Variants in TARS2 observed in about 807,000 individuals in gnomAD.
TARS2 encodes threonyl-tRNA synthetase 2, mitochondrial, also known as threonine--tRNA ligase, mitochondrial.
TARS2 carries 61 observed loss-of-function variants against 94.4 expected under a neutral mutation model. The observed-to-expected ratio is 0.65, with a 90% CI of 0.53 to 0.80. The LOEUF is 0.80. TARS2 is among the 30% of genes least tolerant of loss of function. The pLI is 0.00. For synonymous variants in TARS2, 359 were observed against 353.4 expected (o/e 1.02, Z -0.18); for missense variants, 704 against 902.5 (o/e 0.78, Z 2.82).
Position 150,507,147 on chromosome 1 carries a change from G to A in TARS2, c.*83G>A. The A allele has an allele frequency of 6.4e-7, 1 of 1,567,578 alleles. No homozygotes were observed. Among genetic ancestry groups the A allele is most frequent in the Non-Finnish European group, 8.7e-7 (1 of 1,153,754 alleles). On this transcript the variant is annotated 3_prime_UTR_variant, in exon 18 of 18. Transcript: ENST00000369064. ...GAGACCCCAACCCAGCTGACAATGTGGAGCCCCCAGAACTTCAGAACTGTG... is the reference window on the plus strand; with the variant it reads ...GAGACCCCAACCCAGCTGACAATGTAGAGCCCCCAGAACTTCAGAACTGTG...
In TARS2 at chr1:150,504,616, C is replaced by A. The variant is rs113876911; in HGVS notation, c.1719-16C>A. On this transcript the variant is annotated splice_polypyrimidine_tract_variant and intron_variant, in intron 14 of 17. Coordinates refer to ENST00000369064, the MANE Select transcript of TARS2 (RefSeq NM_025150.5). Reference sequence around the variant, plus strand: ...ACTTCCACCATTCCATCCACCCCCCCCTTTTTCCTTTCAAGGCAGGCGGGT... The same window carrying A: ...ACTTCCACCATTCCATCCACCCCCCACTTTTTCCTTTCAAGGCAGGCGGGT... 1.2e-4 allele frequency: 199 copies of A among 1,612,718 alleles called. No homozygotes were observed. Among genetic ancestry groups the A allele is most frequent in the Admixed American group, 2.0e-4 (12 of 59,916 alleles).
At chr1:150,506,770 C>G in intron 17 of TARS2, 146 bp from the exon 18 acceptor site, 1 of 1,083,862 alleles carries the variant, frequency 9.2e-7, no homozygotes, top group South Asian at 1.6e-5. Context: ...GCAGACACAG[C>G]TGAATACTTC....
At chr1:150,505,479 G>A (rs771324071) in intron 16 of TARS2, 112 bp from the exon 17 acceptor site, 8 of 964,650 alleles carry the variant, frequency 8.3e-6, no homozygotes, top group African/African-American at 3.2e-5. Flanking sequence ...GGAGAGCCCC[G>A]AGGCAGGGAA....
rs996789463 is a variant in TARS2 at position 150,504,353 on chromosome 1, G to T, written c.1636G>T (p.Asp546Tyr). 1 of 1,614,058 alleles carries T rather than the reference G, an allele frequency of 6.2e-7. No individual in the cohort carries two copies. Among genetic ancestry groups the T allele is most frequent in the Admixed American group, 1.7e-5 (1 of 60,004 alleles). ...YGPKIDVHLH[D>Y]ALGRPHQCGT... ...CCTGTAGATTGACGTGCACCTCCACGATGCCCTGGGCCGGCCACATCAGTG... is the reference window on the plus strand; with the variant it reads ...CCTGTAGATTGACGTGCACCTCCACTATGCCCTGGGCCGGCCACATCAGTG... The change falls in exon 14 of 18, where the codon GAT becomes TAT. Residue 546 changes from aspartate to tyrosine, a missense_variant. Asp to Tyr is a radical substitution (Grantham distance 160, BLOSUM62 -3). This residue lies in a region of TARS2 where 466 missense variants were observed against 609.5 expected (regional missense o/e 0.76). Transcript: ENST00000369064.
At chr1:150,493,885 G>C (rs1379026915) in intron 7 of TARS2, among the ~76,000 whole-genome samples, 2 of 152,162 alleles carry the variant, frequency 1.3e-5, no homozygotes. Flanking sequence ...GACTGGGCAT[G>C]GTGGCTCATG....
At chr1:150,506,792 C>G in intron 17 of TARS2, 124 bp from the exon 18 acceptor site, 1 of 1,276,876 alleles carries the variant, frequency 7.8e-7, no homozygotes, top group Non-Finnish European at 1.1e-6. Context: ...TTTCTGTGAA[C>G]CATATCTGGG....
intron 3 of TARS2, among the ~76,000 whole-genome samples, chr1:150,489,707 G>A (rs1208870219): frequency 6.6e-6 from 1 of 152,134 alleles, no homozygotes; most frequent in Admixed American, 6.5e-5. Context: ...TTGGGAGGCC[G>A]AGGCAGGTGG....
rs148171782 is a variant in TARS2, at chr1:150,497,383, C to T, written c.1021-147C>T. On this transcript the variant is annotated intron_variant, in intron 9 of 17. Transcript: ENST00000369064. ...ATACTACAATTGTGTGGTCTGCAGT[C>T]GGGGAGCATAGAGATGGGACCTGGT... 86 of 671,404 alleles carry T rather than the reference C, an allele frequency of 1.3e-4. No individual in the cohort carries two copies. In the East Asian group the frequency reaches 2.1e-3, roughly 17 times the overall value. 41.6% of individuals were successfully genotyped at this position (671,404 alleles called of 1,614,324 possible).
chr1:150,497,423 G>A lies in TARS2; in HGVS notation c.1021-107G>A. 3 of 974,484 alleles carry A rather than the reference G, an allele frequency of 3.1e-6. No homozygotes were observed. In the South Asian group the frequency reaches 4.4e-5, roughly 14 times the overall value. The allele number at this position is 974,484 out of a possible 1,614,324, so 60.4% of individuals were successfully genotyped here. On this transcript the variant is annotated intron_variant, in intron 9 of 17. Transcript: ENST00000369064. ...TGGGACCTGGTATTTAATAGGTTGT[G>A]GTTGCAATCAGCATGGCCTGAGGGC...
intron 8 of TARS2, 67 bp from the exon 9 acceptor site, chr1:150,496,743 T>G: frequency 6.2e-7 from 1 of 1,608,244 alleles, no homozygotes; most frequent in Non-Finnish European, 8.5e-7. Flanking sequence ...GCTCCGTCAG[T>G]TGTTCTGAGT....
chr1:150,498,355 T>G, intron 10 of TARS2, 147 bp from the exon 11 acceptor site: 1 of 934,230 alleles, frequency 1.1e-6, no homozygotes, highest in East Asian at 2.9e-5. Context: ...TGAGTGGGAT[T>G]GACAGGACTC....
intron 4 of TARS2, 98 bp from the exon 5 acceptor site, chr1:150,491,296 C>T: frequency 8.6e-7 from 1 of 1,162,482 alleles, no homozygotes. Flanking sequence ...CTAGATTTCT[C>T]TTGAAGGACA....
intron 6 of TARS2, chr1:150,491,960 A>ATTTT: frequency 1.7e-5 from 2 of 116,422 alleles, no homozygotes; most frequent in Non-Finnish European, 1.7e-5. Flanking sequence ...ATGCCTGGCT[A>ATTTT]GTTTTTTTTT....
chr1:150,503,708 TACACACACACAC>T (rs199826529), intron 13 of TARS2, among the ~76,000 whole-genome samples: 1 of 146,312 alleles, frequency 6.8e-6, no homozygotes, highest in Non-Finnish European at 1.5e-5. Flanking sequence ...TGTGTATATA[TACACACACACAC>T]ACACACATAT....
At chr1:150,505,091 C>A in intron 16 of TARS2, 113 bp downstream of exon 16, 1 of 1,053,200 alleles carries the variant, frequency 9.5e-7, no homozygotes, top group Non-Finnish European at 1.4e-6. Context: ...ACAGCCCTCA[C>A]AGCCACAAGA....
rs747439185 is a variant in TARS2 at position 150,488,976 on chromosome 1, A to G, written c.276A>G (p.Ala92=). The change falls in exon 3 of 18, where the codon GCA becomes GCG. Residue 92 remains alanine, a synonymous_variant. Coordinates refer to ENST00000369064, the MANE Select transcript of TARS2 (RefSeq NM_025150.5). ...TCCACTGCTGAAGTTCAACACTGGC[A>G]GATACTGCAGTGGCTGCTCAAGTGA... ...QLARQISSTL[A]DTAVAAQVNG... is the part of the protein sequence containing the mutation. 10 of 1,613,816 alleles carry G rather than the reference A, an allele frequency of 6.2e-6. No homozygotes were observed. Among genetic ancestry groups the G allele is most frequent in the Non-Finnish European group, 8.5e-7 (1 of 1,179,816 alleles).
At chr1:150,491,555 G>A (rs1211564095) in intron 5 of TARS2, 43 bp from the exon 6 acceptor site, 4 of 1,613,880 alleles carry the variant, frequency 2.5e-6, no homozygotes, top group Non-Finnish European at 3.4e-6. Context: ...CATCTTTGTG[G>A]GAATAAACAC....
intron 13 of TARS2, among the ~76,000 whole-genome samples, chr1:150,502,181 G>A (rs1206204650): frequency 6.6e-6 from 1 of 151,952 alleles, no homozygotes; most frequent in Non-Finnish European, 1.5e-5. Flanking sequence ...CCAAAGTGGT[G>A]GGATTATTAC....
intron 3 of TARS2, among the ~76,000 whole-genome samples, chr1:150,489,680 C>G (rs1157615728): frequency 1.3e-5 from 2 of 152,154 alleles, no homozygotes; most frequent in Non-Finnish European, 2.9e-5. Flanking sequence ...GTAGCTCACG[C>G]CTGTAATCCC....
Sources: allele counts gnomAD v4.1 joint callset (sites outside exome capture counted in the v4.1 genomes callset), GRCh38; gene constraint gnomAD v4.1.1; regional missense constraint gnomAD v4.1.1; transcripts MANE v1.5; gene names NCBI Gene and HGNC (gene_info 2026-07-23, HGNC 2026-07-21).